The following POC5 variants were observed in gnomAD, a reference collection of about 807,000 sequenced individuals.
The protein encoded by POC5 is centrosomal protein POC5.
Under a neutral mutation model 62.9 loss-of-function variants are expected in POC5, and 48 were observed. The observed-to-expected ratio is 0.76, with a 90% CI of 0.61 to 0.97. POC5 has a LOEUF of 0.97. Among genes scored for constraint, POC5 ranks in the 50% least tolerant of loss-of-function variants. POC5 has a pLI of 0.00. For missense variants in POC5, 696 were observed against 679.5 expected, an observed-to-expected ratio of 1.02 and a Z score of -0.27; for synonymous variants, 236 against 228.2, an observed-to-expected ratio of 1.03 and a Z score of -0.31.
At chr5:75,713,246 C>A (rs906707068) in intron 1 of POC5, among the ~76,000 whole-genome samples, 1 of 151,550 alleles carries the variant, frequency 6.6e-6, no homozygotes, top group Non-Finnish European at 1.5e-5. Context: ...GTGTGACAAC[C>A]TGGGTGCTGT....
At chr5:75,706,751 A>G (rs1227462151) in intron 3 of POC5, among the ~76,000 whole-genome samples, 2 of 151,848 alleles carry the variant, frequency 1.3e-5, no homozygotes, top group Non-Finnish European at 2.9e-5. Context: ...GGGTTTTGCT[A>G]TGTTGCCTAG....
At chr5:75,688,932 A>T (rs1290193763) in intron 9 of POC5, 80 bp downstream of exon 9, 5 of 1,309,176 alleles carry the variant, frequency 3.8e-6, no homozygotes, top group Non-Finnish European at 5.0e-6. Flanking sequence ...GATTATTTGT[A>T]CTGTAGACCA....
chr5:75,716,356 G>T (rs1412419867), intron 1 of POC5, among the ~76,000 whole-genome samples: 1 of 122,552 alleles, frequency 8.2e-6, no homozygotes, highest in African/African-American at 3.1e-5. Flanking sequence ...CTTCCTTCAG[G>T]ATTTGAGACC....
chr5:75,676,585 T>A (rs1775664720), intron 11 of POC5, among the ~76,000 whole-genome samples: 1 of 152,204 alleles, frequency 6.6e-6, no homozygotes, highest in South Asian at 2.1e-4. Flanking sequence ...TATACTTTTT[T>A]TTTGCTAATA....
At chr5:75,700,373 A>G (rs1363629099) in intron 5 of POC5, among the ~76,000 whole-genome samples, 1 of 151,730 alleles carries the variant, frequency 6.6e-6, no homozygotes, top group Non-Finnish European at 1.5e-5. Flanking sequence ...AAACAGAGAT[A>G]TAGATCAATG....
intron 2 of POC5, chr5:75,712,357 C>A: frequency 1.3e-6 from 2 of 1,557,280 alleles, no homozygotes; most frequent in Middle Eastern, 1.7e-4. Flanking sequence ...AAATACCACA[C>A]CCTCTGTAGT....
At chr5:75,714,013 T>C (rs1777451293) in intron 1 of POC5, among the ~76,000 whole-genome samples, 1 of 152,188 alleles carries the variant, frequency 6.6e-6, no homozygotes, top group Admixed American at 6.5e-5. Flanking sequence ...TCTAGACAAG[T>C]TATTGAAATA....
At position 75,702,898 on chromosome 5, in the gene POC5, T is replaced by C. The variant is rs964357114; in HGVS notation, c.308-88A>G. ...CCATACTGGAAGGCTAAAAGACGTC[T>C]GCTACTTATGGAGGCTGAGAAAAAA... On this transcript the variant is annotated intron_variant, in intron 4 of 11. Transcript: ENST00000428202. The C allele has an allele frequency of 1.6e-5, 16 of 1,011,014 alleles. No individual in the cohort carries two copies. The African/African-American group carries it at 2.6e-4, about 17-fold the overall frequency. 62.6% of individuals were successfully genotyped at this position (1,011,014 alleles called of 1,614,324 possible).
intron 9 of POC5, 147 bp downstream of exon 9, chr5:75,688,865 G>C: frequency 2.5e-6 from 2 of 798,700 alleles, no homozygotes; most frequent in Non-Finnish European, 3.5e-6. Flanking sequence ...ATTTAAGTCT[G>C]GATATGACAC....
At position 75,685,320 on chromosome 5, in the gene POC5, C is replaced by G; in HGVS notation, c.1294G>C (p.Val432Leu). ...GAAGTCATCGAAGCAGCTGAGGGAA[C>G]GGCAGTCGCGCTGGCTCCTCCGACG... ...AAVGGASATA[V>L]PSAASMTSTR... Residue 432 changes from valine to leucine, a missense_variant, in exon 10 of 12, where the codon GTT becomes CTT. Val to Leu is a conservative substitution (Grantham distance 32, BLOSUM62 1). Coordinates refer to ENST00000428202, the MANE Select transcript of POC5 (RefSeq NM_001099271.2). The G allele has an allele frequency of 6.2e-7, 1 of 1,613,996 alleles. No individual in the cohort carries two copies. Among genetic ancestry groups the G allele is most frequent in the Non-Finnish European group, 8.5e-7 (1 of 1,179,902 alleles).
intron 2 of POC5, among the ~76,000 whole-genome samples, chr5:75,708,894 A>G (rs1777230962): frequency 6.6e-6 from 1 of 151,842 alleles, no homozygotes; most frequent in Non-Finnish European, 1.5e-5. Flanking sequence ...GTGCAGTGGC[A>G]TGGTCTTGGC....
At chr5:75,678,493 C>T (rs2112073186) in intron 10 of POC5, among the ~76,000 whole-genome samples, 1 of 152,236 alleles carries the variant, frequency 6.6e-6, no homozygotes, top group Non-Finnish European at 1.5e-5. Flanking sequence ...CCATCCTTAA[C>T]CTCTGGAAAC....
chr5:75,685,305 A>G lies in POC5; in HGVS notation c.1309T>C (p.Ser437Pro), dbSNP rs776606152. Residue 437 changes from serine to proline, a missense_variant, in exon 10 of 12, where the codon TCG becomes CCG. Coordinates refer to ENST00000428202, the MANE Select transcript of POC5 (RefSeq NM_001099271.2). ...ASATAVPSAA[S>P]MTSTRAASAS... ...GAAGCAGCCCTGGTAGAAGTCATCG[A>G]AGCAGCTGAGGGAACGGCAGTCGCG... 8.7e-6 allele frequency: 14 copies of G among 1,613,908 alleles called. No homozygotes were observed. Among genetic ancestry groups the G allele is most frequent in the Admixed American group, 1.7e-5 (1 of 60,008 alleles).
chr5:75,707,829 A>G lies in POC5; in HGVS notation c.131T>C (p.Ile44Thr). ...LLHYAIVTPN[I>T]EPCASQSSHP... ...AGATGACTGTGAAGCACAGGGTTCA[A>G]TATTTGGAGTCACTATAGCATAATG... The change falls in exon 3 of 12, where the codon ATT becomes ACT. Residue 44 changes from isoleucine (I) to threonine (T), a missense_variant. Transcript: ENST00000428202. 6.3e-7 allele frequency: 1 copy of G among 1,589,770 alleles called. No individual in the cohort carries two copies. The highest frequency in any genetic ancestry group is 8.6e-7 in the Non-Finnish European group (1 of 1,164,782).
intron 5 of POC5, among the ~76,000 whole-genome samples, chr5:75,699,520 C>T (rs1468524218): frequency 1.1e-3 from 153 of 143,296 alleles, no homozygotes; most frequent in African/African-American, 3.6e-3. Flanking sequence ...TTCAACAACC[C>T]TTCATGCTAA....
chr5:75,684,363 A>ATTTTTTTTTTTTTTTTTTTTT (rs749361349), intron 10 of POC5, among the ~76,000 whole-genome samples: 4 of 132,708 alleles, frequency 3.0e-5, no homozygotes, highest in African/African-American at 1.1e-4. Flanking sequence ...TTCCTACATA[A>ATTTTTTTTTTTTTTTTTTTTT]TTTTTTTTTT....
At position 75,677,892 on chromosome 5, in the gene POC5, CGGGCT is replaced by C; in HGVS notation, c.1461_1465del (p.Ala488AspfsTer6). On this transcript the variant is annotated frameshift_variant, in exon 11 of 12. Coordinates refer to ENST00000428202, the MANE Select transcript of POC5 (RefSeq NM_001099271.2). LOFTEE classifies it high-confidence loss of function. ...AGCAAAATCACATCTTCCTGTGATC[CGGGCT>C]GTAATAGTTCTTCCTGCTTTCTGTT... is the stretch of plus-strand genomic sequence containing the variant. 1 of 1,611,108 alleles carries C rather than the reference CGGGCT, an allele frequency of 6.2e-7. No individual in the cohort carries two copies. The highest frequency in any genetic ancestry group is 1.1e-5 in the South Asian group (1 of 90,684).
intron 1 of POC5, among the ~76,000 whole-genome samples, chr5:75,714,290 G>C (rs1777464577): frequency 6.6e-6 from 1 of 152,116 alleles, no homozygotes; most frequent in Admixed American, 6.5e-5. Context: ...GCTGAGGCAG[G>C]AGAATAGCTA....
chr5:75,687,100 A>G (rs1262896835), intron 9 of POC5, among the ~76,000 whole-genome samples: 3 of 152,046 alleles, frequency 2.0e-5, no homozygotes, highest in South Asian at 2.1e-4. Flanking sequence ...GCATGATCTC[A>G]GCTCACTGCA....
Sources: gnomAD v4.1 joint callset for allele counts (sites outside exome capture counted in the v4.1 genomes callset) on GRCh38, gnomAD v4.1.1 for gene constraint, MANE v1.5 for transcripts, NCBI Gene and HGNC (gene_info 2026-07-23, HGNC 2026-07-21) for gene names.